The following SEL1L3 variants were observed in gnomAD, a reference collection of about 807,000 sequenced individuals.
SEL1L3 encodes protein sel-1 homolog 3.
Under a neutral mutation model 142.8 loss-of-function variants are expected in SEL1L3, and 76 were observed. The observed-to-expected ratio is 0.53, with a 90% CI of 0.44 to 0.64. SEL1L3 has a LOEUF of 0.64. Among genes scored for constraint, SEL1L3 ranks in the 30% least tolerant of loss-of-function variants. SEL1L3 has a pLI of 0.00. For missense variants in SEL1L3, 1,262 were observed against 1,381.7 expected (o/e 0.91, Z 1.37); for synonymous variants, 504 against 519.6 (o/e 0.97, Z 0.41).
At chr4:25,815,873 G>C (rs1365856812) in intron 9 of SEL1L3, among the ~76,000 whole-genome samples, 1 of 150,528 alleles carries the variant, frequency 6.6e-6, no homozygotes. Flanking sequence ...ATATTGGGGG[G>C]GGTGCTTTTG....
intron 3 of SEL1L3, among the ~76,000 whole-genome samples, chr4:25,834,924 G>T (rs1258569914): frequency 1.3e-5 from 2 of 152,194 alleles, no homozygotes; most frequent in Non-Finnish European, 2.9e-5. Flanking sequence ...CTGAGACCTT[G>T]CAGGGCCTCA....
At chr4:25,836,099 C>T (rs966341185) in intron 2 of SEL1L3, among the ~76,000 whole-genome samples, 3 of 152,060 alleles carry the variant, frequency 2.0e-5, no homozygotes, top group Non-Finnish European at 4.4e-5. Flanking sequence ...AACATACTAC[C>T]CTACATAAAA....
At chr4:25,850,305 T>C (rs1288767090) in intron 1 of SEL1L3, among the ~76,000 whole-genome samples, 1 of 152,182 alleles carries the variant, frequency 6.6e-6, no homozygotes, top group Non-Finnish European at 1.5e-5. Flanking sequence ...TAACAATTCA[T>C]ACAAAAATGA....
chr4:25,861,280 A>C (rs1300767821), intron 1 of SEL1L3, among the ~76,000 whole-genome samples: 1 of 152,216 alleles, frequency 6.6e-6, no homozygotes, highest in Admixed American at 6.5e-5. Flanking sequence ...TCTCTTGGGC[A>C]AAAAAATATC....
At chr4:25,828,124 G>A (rs1430417887) in intron 6 of SEL1L3, among the ~76,000 whole-genome samples, 4 of 151,892 alleles carry the variant, frequency 2.6e-5, no homozygotes, top group South Asian at 2.1e-4. Context: ...GGCCTCAGCC[G>A]CTATGTTTCA....
intron 6 of SEL1L3, among the ~76,000 whole-genome samples, chr4:25,824,007 T>C (rs917324893): frequency 3.3e-5 from 5 of 152,106 alleles, no homozygotes; most frequent in African/African-American, 1.2e-4. Context: ...CGTCTAGAGA[T>C]TAGTCTCGTC....
At position 25,776,329 on chromosome 4, in the gene SEL1L3, A is replaced by G. The variant is rs374849459; in HGVS notation, c.2617T>C (p.Tyr873His). The change falls in exon 17 of 24, where the codon TAC becomes CAC. Residue 873 changes from tyrosine to histidine, a missense_variant. Tyr to His is a moderately conservative substitution (Grantham distance 83). Coordinates refer to ENST00000399878, the MANE Select transcript of SEL1L3 (RefSeq NM_015187.5). Reference sequence around the variant, plus strand: ...CCTTTGCGGATGACATGGCCCAAGTAGCCATTTTTCTCAGCTACATGTTTT... The same window carrying G: ...CCTTTGCGGATGACATGGCCCAAGTGGCCATTTTTCTCAGCTACATGTTTT... The part of the protein sequence containing the change: ...WAKHVAEKNG[Y>H]LGHVIRKGLN... 1.4e-5 allele frequency: 23 copies of G among 1,613,224 alleles called. 1 individual carries two copies. The East Asian group carries it at 2.7e-4, about 19-fold the overall frequency.
At chr4:25,728,957 A>G in the SEL1L3 span, among the ~76,000 whole-genome samples, 2 of 152,162 alleles carry the variant, frequency 1.3e-5, no homozygotes, top group Non-Finnish European at 2.9e-5. Flanking sequence ...ACTCTTCACA[A>G]ATACTACGTT....
intron 1 of SEL1L3, among the ~76,000 whole-genome samples, chr4:25,850,045 T>C (rs1716782002): frequency 6.6e-6 from 1 of 152,066 alleles, no homozygotes; most frequent in African/African-American, 2.4e-5. Context: ...GCAAGGGGTG[T>C]GAACAGCATA....
the SEL1L3 span, among the ~76,000 whole-genome samples, chr4:25,730,753 G>A: frequency 1.3e-5 from 2 of 152,116 alleles, no homozygotes; most frequent in Non-Finnish European, 2.9e-5. Context: ...CTACGGCCAG[G>A]CACGGTGGCT....
intron 19 of SEL1L3, among the ~76,000 whole-genome samples, 186 bp downstream of exon 19, chr4:25,767,339 G>A (rs1030681275): frequency 1.3e-5 from 2 of 152,130 alleles, no homozygotes; most frequent in African/African-American, 4.8e-5. Flanking sequence ...ACGGGACAAT[G>A]GGTGAGGAGT....
At chr4:25,778,421 A>G (rs957607038) in intron 16 of SEL1L3, among the ~76,000 whole-genome samples, 3 of 152,228 alleles carry the variant, frequency 2.0e-5, no homozygotes, top group Non-Finnish European at 2.9e-5. Context: ...GAAAATGATA[A>G]GTATACAGAA....
At chr4:25,766,439 C>CAA (rs35486393) in intron 19 of SEL1L3, among the ~76,000 whole-genome samples, 16 of 93,730 alleles carry the variant, frequency 1.7e-4, no homozygotes, top group Admixed American at 2.2e-4. Flanking sequence ...GACTCCATCT[C>CAA]AAAAAAAAAA....
At chr4:25,782,221 T>G in intron 15 of SEL1L3, 21 bp downstream of exon 15, 1 of 1,605,714 alleles carries the variant, frequency 6.2e-7, no homozygotes. Context: ...AGTTGCAGAG[T>G]GGGTCTCAAG....
intron 13 of SEL1L3, among the ~76,000 whole-genome samples, chr4:25,787,440 C>A (rs1484895193): frequency 6.6e-6 from 1 of 152,180 alleles, no homozygotes; most frequent in East Asian, 1.9e-4. Flanking sequence ...CCTGCCTCAG[C>A]CTCCCAGGTA....
At chr4:25,779,304 A>G (rs1321781275) in intron 15 of SEL1L3, 101 bp from the exon 16 acceptor site, 1 of 1,277,768 alleles carries the variant, frequency 7.8e-7, no homozygotes, top group Non-Finnish European at 1.1e-6. Flanking sequence ...TTACAGGCTT[A>G]TAACTTCTGA....
At chr4:25,714,357 C>T in the SEL1L3 span, among the ~76,000 whole-genome samples, 2 of 152,038 alleles carry the variant, frequency 1.3e-5, no homozygotes, top group African/African-American at 4.8e-5. Context: ...GAAATAGAGC[C>T]TCATATACAT....
chr4:25,718,185 TTAATA>T, the SEL1L3 span: 2 of 152,192 alleles, frequency 1.3e-5, no homozygotes, highest in African/African-American at 4.8e-5. Context: ...TTTAATACTG[TTAATA>T]TAATATGCAA....
At chr4:25,741,976 T>C in the SEL1L3 span, among the ~76,000 whole-genome samples, 1 of 151,226 alleles carries the variant, frequency 6.6e-6, no homozygotes, top group Non-Finnish European at 1.5e-5. Flanking sequence ...GCCCGGCTAA[T>C]TTTTTTTGTA....
Sources: allele counts gnomAD v4.1 joint callset (sites outside exome capture counted in the v4.1 genomes callset), GRCh38; gene constraint gnomAD v4.1.1; transcripts MANE v1.5; gene names NCBI Gene and HGNC (gene_info 2026-07-23, HGNC 2026-07-21).